The following DLG2 variants were observed in gnomAD, a reference collection of about 807,000 sequenced individuals.
DLG2 encodes the protein disks large homolog 2.
Under a neutral mutation model 132.5 loss-of-function variants are expected in DLG2, and 45 were observed. The observed-to-expected ratio is 0.34, with a 90% CI of 0.27 to 0.44. The LOEUF is 0.44. Among genes scored for constraint, DLG2 ranks in the 20% least tolerant of loss-of-function variants. The pLI, the probability that DLG2 is intolerant of heterozygous loss-of-function variation, is 1.00. For missense variants in DLG2, 1,045 were observed against 1,196.9 expected (o/e 0.87, Z 1.87); for synonymous variants, 424 against 419.6 (o/e 1.01, Z -0.13).
intron 6 of DLG2, among the ~76,000 whole-genome samples, chr11:84,842,058 T>C (rs913644635): frequency 1.3e-5 from 2 of 152,012 alleles, no homozygotes; most frequent in Non-Finnish European, 2.9e-5. Context: ...GAAATGGTTA[T>C]ATGTATTTAT....
chr11:84,245,502 C>A (rs1470100095), intron 8 of DLG2, among the ~76,000 whole-genome samples: 1 of 152,090 alleles, frequency 6.6e-6, no homozygotes, highest in Non-Finnish European at 1.5e-5. Flanking sequence ...TTTCTCTCTC[C>A]CTTACTTTCC....
intron 3 of DLG2, among the ~76,000 whole-genome samples, chr11:85,434,804 T>C (rs1230590218): frequency 3.3e-5 from 5 of 151,868 alleles, no homozygotes; most frequent in Admixed American, 3.3e-4. Context: ...ATGAAGGACT[T>C]CTCCCAGCTC....
At chr11:84,140,050 C>T (rs111449501) in intron 9 of DLG2, among the ~76,000 whole-genome samples, 1 of 152,016 alleles carries the variant, frequency 6.6e-6, no homozygotes, top group South Asian at 2.1e-4. Flanking sequence ...CATATTTTGA[C>T]ATTTTCAGTT....
intron 15 of DLG2, among the ~76,000 whole-genome samples, chr11:83,920,463 C>T (rs550930931): frequency 6.6e-6 from 1 of 152,098 alleles, no homozygotes; most frequent in Admixed American, 6.6e-5. Flanking sequence ...CCCCATACTG[C>T]CAACCCTACC....
At chr11:83,972,508 T>C (rs1423023081) in intron 12 of DLG2, among the ~76,000 whole-genome samples, 1 of 152,146 alleles carries the variant, frequency 6.6e-6, no homozygotes, top group Non-Finnish European at 1.5e-5. Flanking sequence ...GAAACACTTA[T>C]TCCTACAGTG....
At chr11:84,988,765 T>G (rs1399396126) in intron 6 of DLG2, among the ~76,000 whole-genome samples, 2 of 152,122 alleles carry the variant, frequency 1.3e-5, no homozygotes. Flanking sequence ...ACAAATTGGG[T>G]GTAATATATA....
intron 6 of DLG2, among the ~76,000 whole-genome samples, chr11:84,865,585 T>C (rs1164029801): frequency 6.6e-6 from 1 of 152,176 alleles, no homozygotes; most frequent in Non-Finnish European, 1.5e-5. Flanking sequence ...AAAAACCACA[T>C]AATTAACTGC....
intron 6 of DLG2, among the ~76,000 whole-genome samples, chr11:85,061,864 C>T (rs930040320): frequency 6.6e-6 from 1 of 151,826 alleles, no homozygotes; most frequent in East Asian, 1.9e-4. Context: ...CTGAGTGTTA[C>T]TGAAGATCAT....
chr11:84,386,890 C>T (rs1244574375), intron 7 of DLG2, among the ~76,000 whole-genome samples: 2 of 152,068 alleles, frequency 1.3e-5, no homozygotes, highest in African/African-American at 4.8e-5. Context: ...TAGAGTTTTT[C>T]CTACGCTATT....
intron 6 of DLG2, among the ~76,000 whole-genome samples, chr11:85,042,110 A>G (rs1409113001): frequency 6.6e-6 from 1 of 152,106 alleles, no homozygotes; most frequent in Non-Finnish European, 1.5e-5. Flanking sequence ...GGGTTAAAAA[A>G]GGAATGCAAT....
At chr11:84,614,295 A>G (rs2099600336) in intron 6 of DLG2, among the ~76,000 whole-genome samples, 1 of 152,150 alleles carries the variant, frequency 6.6e-6, no homozygotes, top group Non-Finnish European at 1.5e-5. Flanking sequence ...GGAGAATGTC[A>G]GTGGCAGCTT....
chr11:83,498,787 T>C (rs376077362), intron 21 of DLG2, among the ~76,000 whole-genome samples: 1 of 148,948 alleles, frequency 6.7e-6, no homozygotes. Flanking sequence ...TTTTTTTTTT[T>C]GCAAAGATTG....
rs112051031 is a variant in DLG2 at position 84,978,615 on chromosome 11, T to G, written c.357+133046A>C. Among the ~76,000 whole-genome samples, 413 of 152,248 alleles carry G rather than the reference T, an allele frequency of 2.7e-3. 3 individuals are homozygous for G. The highest frequency in any genetic ancestry group is 9.6e-3 in the African/African-American group (398 of 41,546). On this transcript the variant is annotated intron_variant, in intron 6 of 27. Transcript: ENST00000376104. ...GCTGGGAAAACTGGCTAGCCATATG[T>G]AGAAAGCTGAAACTGGATCCCTTCC... is the stretch of plus-strand genomic sequence containing the variant.
At chr11:84,521,850 G>T (rs935628218) in intron 7 of DLG2, among the ~76,000 whole-genome samples, 2 of 152,164 alleles carry the variant, frequency 1.3e-5, no homozygotes, top group African/African-American at 4.8e-5. Flanking sequence ...ACTACCATCA[G>T]AAACAAGTTT....
intron 16 of DLG2, among the ~76,000 whole-genome samples, chr11:83,852,361 A>C (rs2059925337): frequency 1.3e-5 from 2 of 152,254 alleles, no homozygotes; most frequent in Admixed American, 1.3e-4. Context: ...AAGTATAATC[A>C]TACCAGTGCA....
intron 12 of DLG2, among the ~76,000 whole-genome samples, chr11:83,973,219 T>G (rs1395586924): frequency 6.6e-6 from 1 of 152,122 alleles, no homozygotes; most frequent in Admixed American, 6.6e-5. Context: ...GAGAAATATA[T>G]TAGTGGCAAC....
chr11:85,209,455 T>TTTTTTC (rs2082112962), intron 4 of DLG2, among the ~76,000 whole-genome samples: 1 of 138,420 alleles, frequency 7.2e-6, no homozygotes, highest in Non-Finnish European at 1.6e-5. Context: ...CTTTTTTTTT[T>TTTTTTC]TTTTTTTTTT....
chr11:84,817,419 T>C (rs761846927), intron 6 of DLG2, among the ~76,000 whole-genome samples: 19 of 151,986 alleles, frequency 1.3e-4, no homozygotes, highest in Non-Finnish European at 2.1e-4. Context: ...ATTATGTTGT[T>C]GTTTTTCAAT....
chr11:85,295,070 C>T (rs1276236472), intron 3 of DLG2, among the ~76,000 whole-genome samples: 1 of 152,122 alleles, frequency 6.6e-6, no homozygotes, highest in Non-Finnish European at 1.5e-5. Flanking sequence ...TTTTATCTTA[C>T]ACTTATAGCA....
Sources: allele counts gnomAD v4.1 joint callset (sites outside exome capture counted in the v4.1 genomes callset), GRCh38; gene constraint gnomAD v4.1.1; transcripts MANE v1.5; gene names NCBI Gene and HGNC (gene_info 2026-07-23, HGNC 2026-07-21).